SPEF2: variants seen among roughly 807,000 people sequenced by gnomAD.
SPEF2 encodes sperm flagellar and cilia associated 2.
SPEF2 carries 187 observed loss-of-function variants against 224.6 expected under a neutral mutation model. That is an observed-to-expected ratio of 0.83 (90% CI 0.74 to 0.94). The LOEUF is 0.94. Ranked by LOEUF, SPEF2 falls within the 40% of genes least tolerant of loss-of-function variation. SPEF2 has a pLI of 0.00. For missense variants in SPEF2, 2,170 were observed against 2,135.6 expected, an observed-to-expected ratio of 1.02 and a Z score of -0.32; for synonymous variants, 715 against 707.3, an observed-to-expected ratio of 1.01 and a Z score of -0.17.
chr5:35,692,826 C>T (rs1580306257), intron 12 of SPEF2, 102 bp downstream of exon 12: 3 of 1,075,872 alleles, frequency 2.8e-6, no homozygotes, highest in South Asian at 2.1e-5. Context: ...TTCTTCTGTA[C>T]AGACCCAGAG....
intron 25 of SPEF2, among the ~76,000 whole-genome samples, chr5:35,760,674 T>C (rs944571699): frequency 6.6e-6 from 1 of 152,042 alleles, no homozygotes; most frequent in Non-Finnish European, 1.5e-5. Context: ...CTGTAAGTCA[T>C]TGTTTTTGTA....
At chr5:35,738,888 A>G (rs940893239) in intron 21 of SPEF2, among the ~76,000 whole-genome samples, 5 of 152,046 alleles carry the variant, frequency 3.3e-5, no homozygotes, top group African/African-American at 1.2e-4. Flanking sequence ...TCTTTGGAAC[A>G]TTGTGCCCAT....
intron 9 of SPEF2, among the ~76,000 whole-genome samples, chr5:35,668,155 TG>T (rs1750775753): frequency 6.6e-6 from 1 of 152,132 alleles, no homozygotes; most frequent in South Asian, 2.1e-4. Context: ...ATTACACTTC[TG>T]GGCATTTATC....
chr5:35,725,715 C>T (rs866340756), intron 20 of SPEF2, among the ~76,000 whole-genome samples: 1 of 152,078 alleles, frequency 6.6e-6, no homozygotes, highest in African/African-American at 2.4e-5. Flanking sequence ...GTCACTTTGT[C>T]TTTGATTATT....
At chr5:35,807,500 T>C in intron 36 of SPEF2, 1 of 923,950 alleles carries the variant, frequency 1.1e-6, no homozygotes, top group South Asian at 1.6e-5. Context: ...AGTGTTAGGA[T>C]TGTCATTGTA....
intron 9 of SPEF2, 71 bp from the exon 10 acceptor site, chr5:35,669,988 A>G: frequency 8.1e-7 from 1 of 1,228,458 alleles, no homozygotes; most frequent in Non-Finnish European, 1.1e-6. Context: ...TAAATATAAT[A>G]AAAATACCAA....
intron 21 of SPEF2, among the ~76,000 whole-genome samples, chr5:35,734,849 C>T (rs1175677950): frequency 6.6e-6 from 1 of 151,600 alleles, no homozygotes; most frequent in East Asian, 2.0e-4. Context: ...GTAGCTGAGA[C>T]TACAGGTGCA....
intron 32 of SPEF2, 148 bp from the exon 33 acceptor site, chr5:35,795,555 G>T: frequency 7.0e-6 from 4 of 573,796 alleles, no homozygotes; most frequent in South Asian, 2.6e-5. Context: ...GGAAGTTCTA[G>T]TATTTTCTCC....
chr5:35,627,439 A>T (rs1186988342), intron 1 of SPEF2, among the ~76,000 whole-genome samples: 1 of 151,968 alleles, frequency 6.6e-6, no homozygotes, highest in Non-Finnish European at 1.5e-5. Context: ...CCTCTCTACT[A>T]AAAATACAAA....
intron 23 of SPEF2, among the ~76,000 whole-genome samples, chr5:35,748,814 A>G (rs1032777683): frequency 3.3e-5 from 5 of 151,606 alleles, no homozygotes; most frequent in Admixed American, 6.6e-5. Context: ...CAAAACCAGC[A>G]AAGGACATAA....
chr5:35,675,955 A>G (rs1751947918), intron 10 of SPEF2: 1 of 456,124 alleles, frequency 2.2e-6, no homozygotes, highest in East Asian at 6.9e-5. Flanking sequence ...GGTCATGTGA[A>G]GGGTATTTGG....
Position 35,694,368 on chromosome 5 carries a change from G to C in SPEF2, c.1975+5G>C. ...CAGAAGGTGAAACAATGCTTAGTAAGATCTCAAAACAAATCATCTATTATT... is the reference window on the plus strand; with the variant it reads ...CAGAAGGTGAAACAATGCTTAGTAACATCTCAAAACAAATCATCTATTATT... On this transcript the variant is annotated splice_donor_5th_base_variant and intron_variant, in intron 13 of 36. Coordinates refer to ENST00000356031, the MANE Select transcript of SPEF2 (RefSeq NM_024867.4). 1.9e-6 allele frequency: 3 copies of C among 1,607,072 alleles called. No individual in the cohort carries two copies. The highest frequency in any genetic ancestry group is 2.6e-6 in the Non-Finnish European group (3 of 1,175,968).
chr5:35,712,979 T>G (rs969933966), intron 20 of SPEF2, 93 bp downstream of exon 20: 2 of 1,084,190 alleles, frequency 1.8e-6, no homozygotes, highest in Non-Finnish European at 2.6e-6. Context: ...TAGTATACAT[T>G]GACCACTTCT....
At chr5:35,797,727 C>T (rs1044577132) in intron 33 of SPEF2, among the ~76,000 whole-genome samples, 4 of 152,148 alleles carry the variant, frequency 2.6e-5, no homozygotes, top group Non-Finnish European at 4.4e-5. Flanking sequence ...AAAGATAAAA[C>T]GTCAAACAAC....
chr5:35,670,416 A>G lies in SPEF2; in HGVS notation c.1524+189A>G, dbSNP rs1023662431. The G allele has an allele frequency of 8.1e-5, 103 of 1,268,410 alleles. No individual in the cohort carries two copies. The African/African-American group carries it at 1.2e-3, about 15-fold the overall frequency. The allele number at this position is 1,268,410 out of a possible 1,614,324, so 78.6% of individuals were successfully genotyped here. On this transcript the variant is annotated intron_variant, in intron 10 of 36. Transcript: ENST00000356031. ...TTAAACTATACATAAGCTATTATCT[A>G]TTGTTCCTAGTAATCTTAGGGGAGT...
At chr5:35,686,553 A>G (rs1187130138) in intron 10 of SPEF2, among the ~76,000 whole-genome samples, 3 of 152,106 alleles carry the variant, frequency 2.0e-5, no homozygotes, top group Non-Finnish European at 2.9e-5. Context: ...TTTTATTGTT[A>G]TGACAGAACT....
intron 2 of SPEF2, among the ~76,000 whole-genome samples, chr5:35,640,515 G>A (rs1371970612): frequency 6.6e-5 from 10 of 152,126 alleles, no homozygotes; most frequent in Admixed American, 6.6e-4. Context: ...GACAAATGTT[G>A]TATCTCCAAC....
At position 35,799,892 on chromosome 5, in the gene SPEF2, A is replaced by G. The variant is rs3822735; in HGVS notation, c.4831-76A>G. ...CAACCTTATTCCAAAGCTCCTGGGG[A>G]GATTCTTCATTGCATGACTAACTAC... On this transcript the variant is annotated intron_variant, in intron 33 of 36. Coordinates refer to ENST00000356031, the MANE Select transcript of SPEF2 (RefSeq NM_024867.4). 0.71 allele frequency: 1,070,352 copies of G among 1,508,870 alleles called. 381,708 individuals are homozygous for G. The highest frequency in any genetic ancestry group is 0.85 in the East Asian group (37,561 of 44,224). 93.5% of individuals were successfully genotyped at this position (1,508,870 alleles called of 1,614,324 possible). A position where few individuals can be genotyped will look rare whatever the true frequency, so the allele number is the denominator to read the frequency against.
intron 10 of SPEF2, among the ~76,000 whole-genome samples, chr5:35,688,246 T>C (rs893505425): frequency 1.0e-4 from 10 of 95,432 alleles, no homozygotes; most frequent in South Asian, 2.9e-4. Flanking sequence ...TGCTGCTTCT[T>C]TCTTTTTCTT....
Sources: gnomAD v4.1 joint callset for allele counts (sites outside exome capture counted in the v4.1 genomes callset) on GRCh38, gnomAD v4.1.1 for gene constraint, MANE v1.5 for transcripts, NCBI Gene and HGNC (gene_info 2026-07-23, HGNC 2026-07-21) for gene names.